Variants in ALPK2 observed in about 807,000 individuals in gnomAD.
The protein encoded by ALPK2 is alpha kinase 2.
In ALPK2, 127 loss-of-function variants were observed where a neutral mutation model predicts 163.1. That is an observed-to-expected ratio of 0.78 (90% CI 0.67 to 0.90). The LOEUF (loss-of-function observed/expected upper bound fraction) is 0.90. Ranked by LOEUF, ALPK2 falls within the 40% of genes least tolerant of loss-of-function variation. The probability of loss-of-function intolerance (pLI) is 0.00; values close to 1 mark genes in which losing one functional copy is unlikely to be tolerated. For missense variants in ALPK2, 2,360 were observed against 2,589.6 expected (o/e 0.91, Z 1.92); for synonymous variants, 953 against 959.1 (o/e 0.99, Z 0.12).
At chr18:58,569,386 G>A (rs936208088) in intron 4 of ALPK2, among the ~76,000 whole-genome samples, 7 of 152,228 alleles carry the variant, frequency 4.6e-5, no homozygotes, top group African/African-American at 1.7e-4. Flanking sequence ...GTGATTCCAT[G>A]CATAGCTAGG....
intron 6 of ALPK2, among the ~76,000 whole-genome samples, chr18:58,524,264 C>G (rs952883266): frequency 6.6e-6 from 1 of 152,246 alleles, no homozygotes; most frequent in Non-Finnish European, 1.5e-5. Flanking sequence ...GGCTAACACG[C>G]TCACTCCAAT....
intron 10 of ALPK2, among the ~76,000 whole-genome samples, chr18:58,508,900 A>G (rs546442747): frequency 2.7e-5 from 4 of 149,748 alleles, no homozygotes; most frequent in Admixed American, 2.7e-4. Context: ...TTTTTCAATT[A>G]TACTTTAAGT....
intron 6 of ALPK2, among the ~76,000 whole-genome samples, chr18:58,525,237 C>T (rs2051578255): frequency 6.6e-6 from 1 of 152,200 alleles, no homozygotes; most frequent in Admixed American, 6.5e-5. Context: ...TGGCTTAAAA[C>T]AAAGTTCACT....
At chr18:58,538,343 A>T (rs1352725466) in intron 4 of ALPK2, 119 bp from the exon 5 acceptor site, 1 of 946,928 alleles carries the variant, frequency 1.1e-6, no homozygotes, top group African/African-American at 1.6e-5. Flanking sequence ...AGAATGATTG[A>T]AATCTAAACA....
Position 58,579,817 on chromosome 18 carries a change from T to A in ALPK2, c.959A>T (p.Glu320Val). Residue 320 changes from glutamate to valine, a missense_variant, in exon 4 of 13, where the codon GAG becomes GTG. By Grantham distance (121) the Glu-to-Val change is moderately radical. Coordinates refer to ENST00000361673, the MANE Select transcript of ALPK2 (RefSeq NM_052947.4). ...LCPEITLTYT[E>V]EFSDDDLEYL... ...CTCCAGGTCATCATCTGAAAACTCC[T>A]CGGTGTAGGTTAGGGTTATCTCTGG... 3 of 1,614,080 alleles carry A rather than the reference T, an allele frequency of 1.9e-6. No individual in the cohort carries two copies. Among genetic ancestry groups the A allele is most frequent in the Non-Finnish European group, 2.5e-6 (3 of 1,180,024 alleles).
rs752754001 is a variant in ALPK2, at chr18:58,607,370, T to C, written c.179A>G (p.Asn60Ser). The C allele has an allele frequency of 1.2e-6, 2 of 1,613,758 alleles. No homozygotes were observed. Among genetic ancestry groups the C allele is most frequent in the Non-Finnish European group, 1.7e-6 (2 of 1,179,854 alleles). The change falls in exon 3 of 13, where the codon AAC becomes AGC. Residue 60 changes from asparagine (N) to serine (S), a missense_variant. Asn to Ser is a conservative substitution (Grantham distance 46, BLOSUM62 1). Coordinates refer to ENST00000361673, the MANE Select transcript of ALPK2 (RefSeq NM_052947.4). Reference sequence around the variant, plus strand: ...ATACTGATTCTCAAAGAATTCATAGTTGGAAATAATGCCACTCCCATCGAT... The same window carrying C: ...ATACTGATTCTCAAAGAATTCATAGCTGGAAATAATGCCACTCCCATCGAT... The part of the protein sequence containing the change: ...QAIDGSGIIS[N>S]YEFFENQYIH...
At chr18:58,567,731 A>C (rs1457262134) in intron 4 of ALPK2, among the ~76,000 whole-genome samples, 1 of 152,254 alleles carries the variant, frequency 6.6e-6, no homozygotes, top group African/African-American at 2.4e-5. Flanking sequence ...AAAATTGAGC[A>C]GGAAAACAAG....
intron 12 of ALPK2, among the ~76,000 whole-genome samples, chr18:58,487,175 A>ACGTC (rs61466282): frequency 0.32 from 48,080 of 152,006 alleles, 8,651 homozygotes; most frequent in East Asian, 0.79. Flanking sequence ...TTACAGATGG[A>ACGTC]ATTTCTTAAA....
At chr18:58,532,990 C>T (rs1357797432) in intron 5 of ALPK2, among the ~76,000 whole-genome samples, 3 of 152,190 alleles carry the variant, frequency 2.0e-5, no homozygotes, top group Non-Finnish European at 2.9e-5. Context: ...TCTTAATGGC[C>T]TCTGTGTTGT....
chr18:58,505,612 A>AT (rs2051457971), intron 10 of ALPK2, among the ~76,000 whole-genome samples: 1 of 152,078 alleles, frequency 6.6e-6, no homozygotes, highest in African/African-American at 2.4e-5. Context: ...GCCTAGCAGC[A>AT]TTCCATGATA....
intron 12 of ALPK2, among the ~76,000 whole-genome samples, chr18:58,489,249 G>T (rs190345358): frequency 6.6e-6 from 1 of 152,274 alleles, no homozygotes; most frequent in East Asian, 1.9e-4. Flanking sequence ...GCCGTCGGAG[G>T]ATGTGTGAAA....
intron 3 of ALPK2, among the ~76,000 whole-genome samples, chr18:58,606,878 A>G (rs975956106): frequency 1.3e-5 from 2 of 152,230 alleles, no homozygotes; most frequent in African/African-American, 4.8e-5. Context: ...ACTTCCTAAA[A>G]TAAAGCCAGG....
chr18:58,517,063 C>A lies in ALPK2; in HGVS notation c.5785G>T (p.Val1929Phe), dbSNP rs781603343. ...GTGCTGCGGAAGGCTTTGCGGTGAA[C>A]CCCTTCTCCAAAGTGCAGCTCCTCC... ...ATEELHFGEG[V>F]HRKAFRSTVM... is the part of the protein sequence containing the mutation. The change falls in exon 9 of 13, where the codon GTT becomes TTT. Residue 1929 changes from valine (V) to phenylalanine (F), a missense_variant. By Grantham distance (50) the Val-to-Phe change is conservative. Transcript: ENST00000361673. The A allele has an allele frequency of 6.2e-7, 1 of 1,614,122 alleles. No homozygotes were observed. The highest frequency in any genetic ancestry group is 8.5e-7 in the Non-Finnish European group (1 of 1,180,042).
At chr18:58,556,184 C>A (rs909900906) in intron 4 of ALPK2, among the ~76,000 whole-genome samples, 5 of 152,010 alleles carry the variant, frequency 3.3e-5, no homozygotes, top group Non-Finnish European at 7.3e-5. Context: ...CACACACACA[C>A]ACGCACACAC....
chr18:58,505,790 G>A (rs1423072228), intron 10 of ALPK2, among the ~76,000 whole-genome samples: 5 of 152,130 alleles, frequency 3.3e-5, no homozygotes, highest in South Asian at 2.1e-4. Flanking sequence ...AGGGCAGCAC[G>A]ACCATCATGC....
At chr18:58,598,386 C>T (rs567411583) in intron 3 of ALPK2, among the ~76,000 whole-genome samples, 1 of 152,150 alleles carries the variant, frequency 6.6e-6, no homozygotes, top group Non-Finnish European at 1.5e-5. Context: ...GGTGATGGAG[C>T]CTGGAGGCAG....
rs116578406 is a variant in ALPK2, at chr18:58,498,522, T to C, written c.6248-425A>G. ...AACCCTTACATGATGGAAAGAAAAGTAGGCACGGCCTGGGATAGTCAATGC... is the reference window on the plus strand; with the variant it reads ...AACCCTTACATGATGGAAAGAAAAGCAGGCACGGCCTGGGATAGTCAATGC... On this transcript the variant is annotated intron_variant, in intron 11 of 12. Transcript: ENST00000361673. Among the ~76,000 whole-genome samples the C allele has an allele frequency of 7.9e-3, 1,208 of 152,328 alleles. 24 individuals carry two copies. Among genetic ancestry groups the C allele is most frequent in the African/African-American group, 0.027 (1,130 of 41,578 alleles).
At chr18:58,549,480 G>T (rs1395511441) in intron 4 of ALPK2, among the ~76,000 whole-genome samples, 1 of 152,192 alleles carries the variant, frequency 6.6e-6, no homozygotes, top group Non-Finnish European at 1.5e-5. Flanking sequence ...GTAGGGAAAT[G>T]CCTGGAGAAC....
At chr18:58,496,828 G>A (rs1243706310) in intron 12 of ALPK2, among the ~76,000 whole-genome samples, 1 of 152,120 alleles carries the variant, frequency 6.6e-6, no homozygotes, top group Non-Finnish European at 1.5e-5. Context: ...ACCTTCCAGA[G>A]AGCCTTTCAT....
Sources: gnomAD v4.1 joint callset for allele counts (sites outside exome capture counted in the v4.1 genomes callset) on GRCh38, gnomAD v4.1.1 for gene constraint, MANE v1.5 for transcripts, NCBI Gene and HGNC (gene_info 2026-07-23, HGNC 2026-07-21) for gene names.